Variants in ZBTB7C observed in about 807,000 individuals in gnomAD.
ZBTB7C encodes zinc finger and BTB domain containing 7C.
In ZBTB7C, 8 loss-of-function variants were observed where a neutral mutation model predicts 25.7. The ratio of observed to expected loss-of-function variants is 0.31; its 90% CI spans 0.18 to 0.56. ZBTB7C has a LOEUF of 0.56. ZBTB7C is among the 20% of genes least tolerant of loss of function. The probability of loss-of-function intolerance (pLI) is 0.91; values close to 1 mark genes in which losing one functional copy is unlikely to be tolerated. For synonymous variants in ZBTB7C, 394 were observed against 369.0 expected, an observed-to-expected ratio of 1.07 and a Z score of -0.78; for missense variants, 824 against 855.2, an observed-to-expected ratio of 0.96 and a Z score of 0.46.
At chr18:48,206,760 G>C (rs993035321) in intron 2 of ZBTB7C, among the ~76,000 whole-genome samples, 3 of 152,184 alleles carry the variant, frequency 2.0e-5, no homozygotes, top group African/African-American at 7.2e-5. Flanking sequence ...CAAAGCTGCT[G>C]AACGACACCC....
At chr18:48,360,480 A>G (rs767815753) in intron 1 of ZBTB7C, among the ~76,000 whole-genome samples, 1 of 152,230 alleles carries the variant, frequency 6.6e-6, no homozygotes, top group African/African-American at 2.4e-5. Context: ...TGCAAGTATG[A>G]GAGGAGCGTG....
intron 3 of ZBTB7C, among the ~76,000 whole-genome samples, chr18:48,118,931 G>C (rs376305812): frequency 2.6e-5 from 4 of 152,022 alleles, no homozygotes; most frequent in African/African-American, 7.2e-5. Context: ...ATTCTGAGTG[G>C]TAGAATTACT....
At chr18:48,119,713 ATG>A (rs893437164) in intron 3 of ZBTB7C, among the ~76,000 whole-genome samples, 12 of 152,094 alleles carry the variant, frequency 7.9e-5, no homozygotes, top group African/African-American at 2.9e-4. Flanking sequence ...TGCCTGGCAA[ATG>A]TGTGTTGGTT....
chr18:48,212,668 T>C (rs574776994), intron 2 of ZBTB7C, among the ~76,000 whole-genome samples: 11 of 152,210 alleles, frequency 7.2e-5, no homozygotes, highest in African/African-American at 2.7e-4. Context: ...GTAAATTTTA[T>C]TAATAAAAAA....
rs2035579991 is a variant in ZBTB7C at position 48,027,978 on chromosome 18, C to T, written c.*1282G>A. 1 of 152,194 alleles carries T rather than the reference C, an allele frequency of 6.6e-6. No individual in the cohort carries two copies. The highest frequency in any genetic ancestry group is 1.5e-5 in the Non-Finnish European group (1 of 68,060). 9.4% of individuals were successfully genotyped at this position (152,194 alleles called of 1,614,324 possible). A position where few individuals can be genotyped will look rare whatever the true frequency, so the allele number is the denominator to read the frequency against. ...AGGCCTCCACCTCCCTGCACTGAGC[C>T]CTTTTGTCAAAAATGGGGAGCCAAA... On this transcript the variant is annotated 3_prime_UTR_variant, in exon 5 of 5. Transcript: ENST00000590800.
Position 48,274,322 on chromosome 18 carries a change from C to G in ZBTB7C, c.-79+63852G>C, listed in dbSNP as rs141580014. Among the ~76,000 whole-genome samples, 15 of 152,246 alleles carry G rather than the reference C, an allele frequency of 9.9e-5. No homozygotes were observed. In the East Asian group the frequency reaches 2.9e-3, roughly 29 times the overall value. ...TAAATCAGATATTTTGAACTTGAAT[C>G]TTGTTGTTTTTGTTTTGTCTTGTTT... On this transcript the variant is annotated intron_variant, in intron 2 of 4. Coordinates refer to ENST00000590800, the MANE Select transcript of ZBTB7C (RefSeq NM_001318841.2).
At chr18:48,184,991 G>A (rs571340282) in intron 3 of ZBTB7C, among the ~76,000 whole-genome samples, 1 of 152,214 alleles carries the variant, frequency 6.6e-6, no homozygotes, top group African/African-American at 2.4e-5. Context: ...TGGAGTGGCC[G>A]ACAAACAGGC....
intron 2 of ZBTB7C, among the ~76,000 whole-genome samples, chr18:48,288,318 G>A (rs186394134): frequency 6.6e-6 from 1 of 152,298 alleles, no homozygotes; most frequent in African/African-American, 2.4e-5. Context: ...AGGTCATGGA[G>A]GCACAACCTT....
intron 2 of ZBTB7C, among the ~76,000 whole-genome samples, chr18:48,200,707 T>C (rs1462099220): frequency 6.6e-6 from 1 of 152,224 alleles, no homozygotes; most frequent in Non-Finnish European, 1.5e-5. Context: ...AGAAGCACGG[T>C]GCAGGGCAGG....
At chr18:48,264,662 C>CT (rs138101863) in intron 2 of ZBTB7C, among the ~76,000 whole-genome samples, 4,701 of 152,242 alleles carry the variant, frequency 0.031, 118 homozygotes, top group African/African-American at 0.065. Context: ...CAACAGCCTC[C>CT]TTGACATCAC....
chr18:48,241,742 CGTCAAAAA>C (rs1389661877), intron 2 of ZBTB7C, among the ~76,000 whole-genome samples: 1 of 152,024 alleles, frequency 6.6e-6, no homozygotes, highest in African/African-American at 2.4e-5. Flanking sequence ...TAAATGCCTA[CGTCAAAAA>C]GTCTGAAAGC....
intron 1 of ZBTB7C, among the ~76,000 whole-genome samples, chr18:48,338,652 T>C (rs1299046054): frequency 1.3e-5 from 2 of 152,074 alleles, no homozygotes; most frequent in Non-Finnish European, 2.9e-5. Flanking sequence ...ATTCCTTTCT[T>C]ACCTCAGCAT....
intron 1 of ZBTB7C, among the ~76,000 whole-genome samples, chr18:48,379,823 C>T (rs1007324725): frequency 2.0e-5 from 3 of 152,100 alleles, no homozygotes; most frequent in African/African-American, 7.2e-5. Flanking sequence ...AAGATCCAAA[C>T]AGACTCCTCA....
intron 3 of ZBTB7C, among the ~76,000 whole-genome samples, chr18:48,066,190 A>C (rs1013806230): frequency 1.3e-5 from 2 of 152,130 alleles, no homozygotes; most frequent in East Asian, 1.9e-4. Context: ...GCTAGTGCCC[A>C]CCCTGGCTCC....
chr18:48,358,270 T>C (rs2047022775), intron 1 of ZBTB7C, among the ~76,000 whole-genome samples: 1 of 152,154 alleles, frequency 6.6e-6, no homozygotes, highest in South Asian at 2.1e-4. Flanking sequence ...GAGAATTGCT[T>C]GAACCTGGGA....
intron 3 of ZBTB7C, among the ~76,000 whole-genome samples, chr18:48,085,685 A>G (rs143827983): frequency 3.8e-4 from 58 of 152,384 alleles, no homozygotes; most frequent in African/African-American, 1.3e-3. Context: ...ATTAGCTATC[A>G]ATATTATCTA....
intron 1 of ZBTB7C, among the ~76,000 whole-genome samples, chr18:48,373,204 G>A (rs1050977961): frequency 6.6e-6 from 1 of 151,972 alleles, no homozygotes; most frequent in Non-Finnish European, 1.5e-5. Context: ...GATCTTGGGG[G>A]CGGATCCCTC....
At chr18:48,212,408 A>G (rs533743850) in intron 2 of ZBTB7C, among the ~76,000 whole-genome samples, 1 of 150,790 alleles carries the variant, frequency 6.6e-6, no homozygotes, top group Non-Finnish European at 1.5e-5. Context: ...TGATGGACAC[A>G]TGTCATTATA....
intron 2 of ZBTB7C, among the ~76,000 whole-genome samples, chr18:48,263,656 C>T (rs1598732198): frequency 6.7e-6 from 1 of 149,286 alleles, no homozygotes; most frequent in African/African-American, 2.5e-5. Context: ...TGTGTCTATT[C>T]ATGTCCCTGT....
Sources: gnomAD v4.1 joint callset for allele counts (sites outside exome capture counted in the v4.1 genomes callset) on GRCh38, gnomAD v4.1.1 for gene constraint, MANE v1.5 for transcripts, NCBI Gene and HGNC (gene_info 2026-07-23, HGNC 2026-07-21) for gene names.